The following GALNT13 variants were observed in gnomAD, a reference collection of about 807,000 sequenced individuals.
GALNT13 encodes the protein UDP-GalNAc:polypeptide N-acetylgalactosaminyltransferase 13.
GALNT13 carries 28 observed loss-of-function variants against 64.2 expected under a neutral mutation model. That is an observed-to-expected ratio of 0.44 (90% CI 0.32 to 0.60). GALNT13 has a LOEUF of 0.60. Ranked by LOEUF, GALNT13 falls within the 20% of genes least tolerant of loss-of-function variation. The probability of loss-of-function intolerance (pLI) is 0.05; values close to 1 mark genes in which losing one functional copy is unlikely to be tolerated. For synonymous variants in GALNT13, 214 were observed against 224.6 expected (o/e 0.95, Z 0.42); for missense variants, 577 against 669.8 (o/e 0.86, Z 1.53).
chr2:153,844,196 T>C, the GALNT13 span, among the ~76,000 whole-genome samples: 2 of 152,228 alleles, frequency 1.3e-5, no homozygotes, highest in Non-Finnish European at 2.9e-5. Flanking sequence ...CCCTGCAGCA[T>C]GCTTCTGCCT....
At chr2:153,331,872 G>A in the GALNT13 span, among the ~76,000 whole-genome samples, 1 of 151,704 alleles carries the variant, frequency 6.6e-6, no homozygotes, top group Non-Finnish European at 1.5e-5. Context: ...GACCTGTTTT[G>A]TATTTCAGTT....
the GALNT13 span, among the ~76,000 whole-genome samples, chr2:153,195,944 G>A: frequency 3.2e-4 from 48 of 152,254 alleles, no homozygotes; most frequent in African/African-American, 1.1e-3. Flanking sequence ...CTCTGCATCT[G>A]ATCATCCCAA....
At chr2:154,214,426 C>T (rs1687936913) in intron 4 of GALNT13, among the ~76,000 whole-genome samples, 1 of 152,104 alleles carries the variant, frequency 6.6e-6, no homozygotes, top group Admixed American at 6.5e-5. Flanking sequence ...ATTTAAACAA[C>T]ATCATTCCAG....
At chr2:154,352,161 T>C (rs941953042) in intron 9 of GALNT13, among the ~76,000 whole-genome samples, 6 of 152,204 alleles carry the variant, frequency 3.9e-5, no homozygotes, top group African/African-American at 1.4e-4. Context: ...ATAAATAAGT[T>C]GAAGTTAAAG....
the GALNT13 span, among the ~76,000 whole-genome samples, chr2:153,744,394 A>G: frequency 6.6e-6 from 1 of 152,158 alleles, no homozygotes; most frequent in Non-Finnish European, 1.5e-5. Context: ...ACGATATCTC[A>G]TTATAGTTTT....
the GALNT13 span, among the ~76,000 whole-genome samples, chr2:153,183,557 T>C: frequency 2.0e-5 from 3 of 152,240 alleles, no homozygotes; most frequent in East Asian, 5.8e-4. Context: ...GCCTATGTCC[T>C]GATTAGTATT....
chr2:153,735,184 T>C, the GALNT13 span, among the ~76,000 whole-genome samples: 1 of 152,182 alleles, frequency 6.6e-6, no homozygotes, highest in Non-Finnish European at 1.5e-5. Context: ...CTCTACCTGA[T>C]TTTATTTCTG....
chr2:153,648,403 A>G, the GALNT13 span, among the ~76,000 whole-genome samples: 2 of 152,166 alleles, frequency 1.3e-5, no homozygotes, highest in Non-Finnish European at 2.9e-5. Context: ...CAATCATGTC[A>G]TCTGCTAACA....
At chr2:153,676,856 C>T in the GALNT13 span, among the ~76,000 whole-genome samples, 8 of 151,984 alleles carry the variant, frequency 5.3e-5, no homozygotes, top group Admixed American at 1.3e-4. Flanking sequence ...CCTCAATGAC[C>T]TAACCATTGA....
At chr2:153,193,163 G>T in the GALNT13 span, among the ~76,000 whole-genome samples, 1 of 151,390 alleles carries the variant, frequency 6.6e-6, no homozygotes, top group Non-Finnish European at 1.5e-5. Context: ...TATTTATTGC[G>T]GCATTATTCA....
the GALNT13 span, among the ~76,000 whole-genome samples, chr2:153,454,190 C>A: frequency 1.4e-4 from 22 of 152,194 alleles, no homozygotes; most frequent in East Asian, 2.7e-3. Context: ...ACTTGGGTGA[C>A]AAGATCAATT....
intron 3 of GALNT13, among the ~76,000 whole-genome samples, chr2:154,083,578 A>T (rs1489299575): frequency 8.6e-5 from 13 of 151,554 alleles, no homozygotes; most frequent in Admixed American, 7.3e-4. Flanking sequence ...TGGGTCCTCT[A>T]TTATTTCCTT....
intron 10 of GALNT13, among the ~76,000 whole-genome samples, chr2:154,397,004 T>G: frequency 6.6e-6 from 1 of 150,874 alleles, no homozygotes. Flanking sequence ...TATAATATAT[T>G]CCTATATAGC....
chr2:153,906,444 G>A (rs1309630222), intron 2 of GALNT13, among the ~76,000 whole-genome samples: 1 of 136,490 alleles, frequency 7.3e-6, no homozygotes, highest in Non-Finnish European at 1.5e-5. Flanking sequence ...CCCTTCCTGT[G>A]TCCATGTGTT....
At chr2:154,130,784 A>G (rs1205728242) in intron 3 of GALNT13, among the ~76,000 whole-genome samples, 1 of 152,234 alleles carries the variant, frequency 6.6e-6, no homozygotes, top group African/African-American at 2.4e-5. Context: ...TTTTTCAAAC[A>G]TGATGAATCC....
intron 3 of GALNT13, among the ~76,000 whole-genome samples, chr2:153,956,617 A>T (rs1240964919): frequency 6.6e-6 from 1 of 152,162 alleles, no homozygotes; most frequent in African/African-American, 2.4e-5. Flanking sequence ...GCAAAATAAT[A>T]ATAAATCTTC....
At chr2:153,526,163 C>T in the GALNT13 span, among the ~76,000 whole-genome samples, 1 of 152,244 alleles carries the variant, frequency 6.6e-6, no homozygotes, top group Non-Finnish European at 1.5e-5. Context: ...GCCTGGCTGG[C>T]TTTGCCATCT....
chr2:154,195,318 T>TA (rs1686819222), intron 4 of GALNT13, among the ~76,000 whole-genome samples: 1 of 152,178 alleles, frequency 6.6e-6, no homozygotes, highest in South Asian at 2.1e-4. Flanking sequence ...CATTTCAAGT[T>TA]ACAGTGCTAT....
intron 9 of GALNT13, among the ~76,000 whole-genome samples, chr2:154,366,022 T>G (rs1697343072): frequency 6.6e-6 from 1 of 152,192 alleles, no homozygotes; most frequent in Admixed American, 6.5e-5. Context: ...ATATCATTGA[T>G]GAGAACTAAA....
Sources: gnomAD v4.1 joint callset for allele counts (sites outside exome capture counted in the v4.1 genomes callset) on GRCh38, gnomAD v4.1.1 for gene constraint, MANE v1.5 for transcripts, NCBI Gene and HGNC (gene_info 2026-07-23, HGNC 2026-07-21) for gene names.